Variants in ZNF569 observed in about 807,000 individuals in gnomAD.
ZNF569 encodes the protein DNA-binding protein.
In ZNF569, 38 loss-of-function variants were observed where a neutral mutation model predicts 56.3. The ratio of observed to expected loss-of-function variants is 0.68; its 90% CI spans 0.52 to 0.88. The LOEUF (loss-of-function observed/expected upper bound fraction) is 0.88, where lower values mean the gene tolerates loss of function less well. ZNF569 is among the 40% of genes least tolerant of loss of function. ZNF569 has a pLI of 0.00. For missense variants in ZNF569, 666 were observed against 809.2 expected, an observed-to-expected ratio of 0.82 and a Z score of 2.15; for synonymous variants, 241 against 262.9, an observed-to-expected ratio of 0.92 and a Z score of 0.81.
At position 37,426,263 on chromosome 19, in the gene ZNF569, A is replaced by G; in HGVS notation, c.131T>C (p.Leu44Ser). 1 of 1,610,958 alleles carries G rather than the reference A, an allele frequency of 6.2e-7. No homozygotes were observed. The highest frequency in any genetic ancestry group is 8.5e-7 in the Non-Finnish European group (1 of 1,179,050). The change falls in exon 4 of 6, where the codon TTA becomes TCA. Residue 44 changes from leucine (L) to serine (S), a missense_variant. Leu to Ser is a moderately radical substitution (Grantham distance 145). Coordinates refer to ENST00000316950, the MANE Select transcript of ZNF569 (RefSeq NM_152484.3). ...TAAATTACTCTTACCTACTGTGATT[A>G]AGTTGTTATAGTTTTCTAGCATCAC... is the stretch of plus-strand genomic sequence containing the variant. The part of the protein sequence containing the change: ...RNVMLENYNN[L>S]ITVGYPFTKP...
intron 2 of ZNF569, among the ~76,000 whole-genome samples, chr19:37,463,356 G>A (rs541563174): frequency 5.3e-5 from 8 of 152,158 alleles, no homozygotes; most frequent in South Asian, 2.1e-4. Context: ...TCATAACATC[G>A]TAACACAATG....
At chr19:37,415,104 C>T (rs2040906039) in intron 5 of ZNF569, among the ~76,000 whole-genome samples, 1 of 151,990 alleles carries the variant, frequency 6.6e-6, no homozygotes, top group African/African-American at 2.4e-5. Context: ...AGCAAACTAT[C>T]CGATTTCATT....
At position 37,453,485 on chromosome 19, in the gene ZNF569, C is replaced by T. The variant is rs995775925; in HGVS notation, c.-43-8521G>A. On this transcript the variant is annotated intron_variant, in intron 2 of 5. Transcript: ENST00000316950. ...GGGGTATTTTTGCTTGGTGTGAAAT[C>T]CTGGATTGACAGTTTTTCTGCACTT... 7.2e-5 allele frequency among the ~76,000 whole-genome samples: 11 copies of T among 152,226 alleles called. No homozygotes were observed. The South Asian group carries it at 8.3e-4, about 11-fold the overall frequency.
intron 3 of ZNF569, among the ~76,000 whole-genome samples, chr19:37,444,413 C>T (rs1284453891): frequency 2.0e-5 from 3 of 151,962 alleles, no homozygotes; most frequent in South Asian, 2.1e-4. Flanking sequence ...AGTATTTCAC[C>T]GTGTGAAATA....
chr19:37,430,552 A>G (rs900095931), intron 3 of ZNF569, among the ~76,000 whole-genome samples: 1 of 152,030 alleles, frequency 6.6e-6, no homozygotes, highest in Admixed American at 6.6e-5. Context: ...GAGGACAAAT[A>G]GCAATGGGAC....
rs573076982 is a variant in ZNF569, at chr19:37,433,384, C to T, written c.16-7006G>A. Among the ~76,000 whole-genome samples, 19 of 152,218 alleles carry T rather than the reference C, an allele frequency of 1.2e-4. No individual in the cohort carries two copies. The East Asian group carries it at 2.9e-3, about 23-fold the overall frequency. Reference sequence around the variant, plus strand: ...AATAGCTTCAAATGGGCAAATCTAACACTTATTGGCCTTAAAGAGGAGGTA... The same window carrying T: ...AATAGCTTCAAATGGGCAAATCTAATACTTATTGGCCTTAAAGAGGAGGTA... On this transcript the variant is annotated intron_variant, in intron 3 of 5. Transcript: ENST00000316950.
At chr19:37,448,136 A>G (rs975253747) in intron 2 of ZNF569, among the ~76,000 whole-genome samples, 3 of 152,202 alleles carry the variant, frequency 2.0e-5, no homozygotes, top group Non-Finnish European at 4.4e-5. Context: ...ATTCTGGAAA[A>G]GTTTGTATAG....
rs562204236 is a variant in ZNF569 at position 37,438,630 on chromosome 19, A to C, written c.15+6277T>G. Reference sequence around the variant, plus strand: ...AATGGATTAAAGACTTAAATCTAAGACCTCAAACTATGAAACGACTAAAAG... The same window carrying C: ...AATGGATTAAAGACTTAAATCTAAGCCCTCAAACTATGAAACGACTAAAAG... On this transcript the variant is annotated intron_variant, in intron 3 of 5. Coordinates refer to ENST00000316950, the MANE Select transcript of ZNF569 (RefSeq NM_152484.3). 5.4e-4 allele frequency among the ~76,000 whole-genome samples: 83 copies of C among 152,334 alleles called. 4 individuals carry two copies. The South Asian group carries it at 0.017, about 32-fold the overall frequency.
At chr19:37,446,981 G>T (rs753933451) in intron 2 of ZNF569, among the ~76,000 whole-genome samples, 6 of 152,100 alleles carry the variant, frequency 3.9e-5, no homozygotes, top group Admixed American at 3.3e-4. Context: ...ATATACAAAT[G>T]GCCAACGAAC....
Position 37,411,368 on chromosome 19 carries a change from T to C in ZNF569, c.*1229A>G, listed in dbSNP as rs1018037699. The C allele has an allele frequency of 4.6e-5, 7 of 152,198 alleles. No individual in the cohort carries two copies. Among genetic ancestry groups the C allele is most frequent in the Non-Finnish European group, 8.8e-5 (6 of 68,000 alleles). 9.4% of individuals were successfully genotyped at this position (152,198 alleles called of 1,614,324 possible). ...TTTCTCTCAATATTATATATTGTAATCTATCCATATAACTATAGGTAGATT... is the reference window on the plus strand; with the variant it reads ...TTTCTCTCAATATTATATATTGTAACCTATCCATATAACTATAGGTAGATT... On this transcript the variant is annotated 3_prime_UTR_variant, in exon 6 of 6. Coordinates refer to ENST00000316950, the MANE Select transcript of ZNF569 (RefSeq NM_152484.3).
At chr19:37,416,328 T>C (rs1374942445) in intron 5 of ZNF569, among the ~76,000 whole-genome samples, 1 of 151,282 alleles carries the variant, frequency 6.6e-6, no homozygotes, top group Non-Finnish European at 1.5e-5. Context: ...CAAAACTGTT[T>C]ACCTGAAAAA....
chr19:37,451,358 C>A (rs549267883), intron 2 of ZNF569, among the ~76,000 whole-genome samples: 2 of 150,186 alleles, frequency 1.3e-5, no homozygotes, highest in South Asian at 4.2e-4. Flanking sequence ...CGAGATCGTG[C>A]CACTGCACTC....
At chr19:37,467,579 A>G (rs1238421499), upstream of ZNF569, 1 of 453,986 alleles carries the variant, frequency 2.2e-6, no homozygotes, top group Non-Finnish European at 3.9e-6. Context: ...CAGTGTGTTT[A>G]GTTCCGTCTT....
chr19:37,462,115 C>A (rs953027298), intron 2 of ZNF569, among the ~76,000 whole-genome samples: 3 of 152,134 alleles, frequency 2.0e-5, no homozygotes, highest in African/African-American at 7.2e-5. Flanking sequence ...AGGTACTTCA[C>A]TATAAAGTTA....
chr19:37,443,492 C>G (rs1039197593), intron 3 of ZNF569, among the ~76,000 whole-genome samples: 8 of 152,094 alleles, frequency 5.3e-5, no homozygotes, highest in African/African-American at 1.9e-4. Flanking sequence ...CACAGAATAT[C>G]AAGTGTACTA....
Position 37,413,567 on chromosome 19 carries a change from GAGA to G in ZNF569, c.1088_1090del (p.Phe363del). 6.2e-7 allele frequency: 1 copy of G among 1,613,468 alleles called. No individual in the cohort carries two copies. The highest frequency in any genetic ancestry group is 8.5e-7 in the Non-Finnish European group (1 of 1,179,772). On this transcript the variant is annotated inframe_deletion, in exon 6 of 6. Transcript: ENST00000316950. ...ATGTATAATAAGCATGGAAAACTGA[GAGA>G]AGGCTTTACCACATTTATCACATTT...
At chr19:37,421,906 C>G (rs1259050389) in intron 5 of ZNF569, among the ~76,000 whole-genome samples, 1 of 147,802 alleles carries the variant, frequency 6.8e-6, no homozygotes, top group African/African-American at 2.5e-5. Context: ...TGCACCATTA[C>G]ATCCGGCTAA....
intron 2 of ZNF569, among the ~76,000 whole-genome samples, chr19:37,463,728 G>A (rs2041789815): frequency 6.6e-6 from 1 of 152,054 alleles, no homozygotes; most frequent in Admixed American, 6.6e-5. Context: ...ATTGTTCCAT[G>A]CATGTTTATT....
chr19:37,469,185 G>C, upstream of ZNF569: 1 of 1,236,806 alleles, frequency 8.1e-7, no homozygotes, highest in Non-Finnish European at 1.0e-6. Context: ...CAGTGTGGGA[G>C]GACCTGGTGG....
Sources: allele counts gnomAD v4.1 joint callset (sites outside exome capture counted in the v4.1 genomes callset), GRCh38; gene constraint gnomAD v4.1.1; transcripts MANE v1.5; gene names NCBI Gene and HGNC (gene_info 2026-07-23, HGNC 2026-07-21).